Variants in ACAP2 observed in about 807,000 individuals in gnomAD.
ACAP2 encodes the protein ArfGAP with coiled-coil, ankyrin repeat and PH domains 2, also known as arf-GAP with coiled-coil, ANK repeat and PH domain-containing protein 2.
ACAP2 carries 39 observed loss-of-function variants against 115.8 expected under a neutral mutation model. That is an observed-to-expected ratio of 0.34 (90% CI 0.26 to 0.44). The LOEUF is 0.44. Ranked by LOEUF, ACAP2 falls within the 20% of genes least tolerant of loss-of-function variation. The pLI is 1.00. For missense variants in ACAP2, 662 were observed against 927.6 expected, an observed-to-expected ratio of 0.71 and a Z score of 3.72; for synonymous variants, 289 against 315.8, an observed-to-expected ratio of 0.92 and a Z score of 0.90.
At chr3:195,333,411 G>A (rs184939441) in intron 7 of ACAP2, among the ~76,000 whole-genome samples, 49 of 152,200 alleles carry the variant, frequency 3.2e-4, no homozygotes, top group South Asian at 8.3e-4. Context: ...ATGTTACCCA[G>A]GCTGATCTCA....
intron 4 of ACAP2, among the ~76,000 whole-genome samples, chr3:195,366,099 C>A (rs1438970265): frequency 6.6e-6 from 1 of 152,178 alleles, no homozygotes; most frequent in Non-Finnish European, 1.5e-5. Flanking sequence ...ACCACCTTGG[C>A]CTCCCAAAGT....
intron 20 of ACAP2, among the ~76,000 whole-genome samples, chr3:195,291,227 G>A (rs930176949): frequency 2.6e-5 from 4 of 151,988 alleles, no homozygotes; most frequent in African/African-American, 9.7e-5. Flanking sequence ...TCTTACTATC[G>A]CTCCAGAAGA....
intron 9 of ACAP2, among the ~76,000 whole-genome samples, chr3:195,324,542 T>C (rs919347513): frequency 6.6e-6 from 1 of 150,620 alleles, no homozygotes; most frequent in African/African-American, 2.4e-5. Context: ...TCACCTGAGG[T>C]CAGGAGATCA....
chr3:195,375,252 T>C (rs1402113215), intron 4 of ACAP2, among the ~76,000 whole-genome samples: 1 of 152,030 alleles, frequency 6.6e-6, no homozygotes, highest in Non-Finnish European at 1.5e-5. Flanking sequence ...ATTCAATACA[T>C]AATATCTTCC....
At chr3:195,381,791 C>T (rs1733955457) in intron 3 of ACAP2, 112 bp downstream of exon 3, 2 of 1,287,938 alleles carry the variant, frequency 1.6e-6, no homozygotes, top group East Asian at 2.4e-5. Flanking sequence ...CACTTTTCTA[C>T]TTCTAATTTT....
intron 13 of ACAP2, 108 bp from the exon 14 acceptor site, chr3:195,302,282 G>C (rs1300140115): frequency 1.0e-6 from 1 of 985,058 alleles, no homozygotes; most frequent in African/African-American, 1.7e-5. Context: ...TTAAAGGCCT[G>C]TTACAGGCAT....
chr3:195,408,938 A>G (rs533414818), intron 1 of ACAP2, among the ~76,000 whole-genome samples: 1 of 152,320 alleles, frequency 6.6e-6, no homozygotes, highest in South Asian at 2.1e-4. Context: ...GAATAAAAGG[A>G]AACTACTTCA....
intron 4 of ACAP2, chr3:195,356,333 G>GT (rs1178708632): frequency 1.4e-5 from 5 of 366,404 alleles, no homozygotes; most frequent in Admixed American, 9.8e-5. Flanking sequence ...GTTGGAACTG[G>GT]AGTTTCTGCA....
intron 4 of ACAP2, among the ~76,000 whole-genome samples, chr3:195,373,641 C>T (rs1448789790): frequency 6.6e-6 from 1 of 152,092 alleles, no homozygotes; most frequent in Non-Finnish European, 1.5e-5. Context: ...TGACAATTCA[C>T]ATATACTGCC....
At chr3:195,374,857 T>G (rs929270188) in intron 4 of ACAP2, among the ~76,000 whole-genome samples, 1 of 152,004 alleles carries the variant, frequency 6.6e-6, no homozygotes, top group African/African-American at 2.4e-5. Flanking sequence ...ACCTTTTTTT[T>G]TTTAAAGTTA....
At chr3:195,291,089 T>C (rs1159831386) in intron 20 of ACAP2, among the ~76,000 whole-genome samples, 1 of 152,164 alleles carries the variant, frequency 6.6e-6, no homozygotes, top group African/African-American at 2.4e-5. Flanking sequence ...AATAATCGGA[T>C]ACCCTGAGAT....
At chr3:195,367,984 CAA>C (rs2108718264) in intron 4 of ACAP2, among the ~76,000 whole-genome samples, 1 of 152,260 alleles carries the variant, frequency 6.6e-6, no homozygotes, top group South Asian at 2.1e-4. Flanking sequence ...GTTAAACAGT[CAA>C]AGTTACTGAC....
At chr3:195,354,761 T>G (rs1002812653) in intron 4 of ACAP2, among the ~76,000 whole-genome samples, 1 of 152,254 alleles carries the variant, frequency 6.6e-6, no homozygotes, top group Non-Finnish European at 1.5e-5. Context: ...ATATCCTGGA[T>G]ACTACTGCCT....
chr3:195,323,201 C>G (rs1290722032), intron 9 of ACAP2, among the ~76,000 whole-genome samples: 3 of 152,084 alleles, frequency 2.0e-5, no homozygotes, highest in Non-Finnish European at 4.4e-5. Flanking sequence ...TATTACCACT[C>G]TCACTCAAGA....
intron 10 of ACAP2, among the ~76,000 whole-genome samples, chr3:195,315,740 A>C (rs1387156026): frequency 3.3e-5 from 5 of 152,216 alleles, no homozygotes; most frequent in Non-Finnish European, 5.9e-5. Flanking sequence ...CTCCTTTAAA[A>C]ACAGCCTAAT....
chr3:195,388,684 T>G (rs1734456674), intron 2 of ACAP2, among the ~76,000 whole-genome samples: 1 of 152,214 alleles, frequency 6.6e-6, no homozygotes, highest in Admixed American at 6.5e-5. Flanking sequence ...CTCTTCTCTA[T>G]GCTAACTCCC....
At chr3:195,372,151 C>A (rs1733193846) in intron 4 of ACAP2, among the ~76,000 whole-genome samples, 1 of 152,098 alleles carries the variant, frequency 6.6e-6, no homozygotes. Context: ...CAATTAAGAG[C>A]TACAGCCAGA....
intron 10 of ACAP2, among the ~76,000 whole-genome samples, chr3:195,316,152 T>C (rs1471719161): frequency 6.6e-6 from 1 of 151,978 alleles, no homozygotes; most frequent in East Asian, 1.9e-4. Flanking sequence ...GAAAACATAC[T>C]GGTGAGTAAC....
At chr3:195,345,368 T>C (rs1267620669) in intron 4 of ACAP2, 51 bp from the exon 5 acceptor site, 1 of 1,154,500 alleles carries the variant, frequency 8.7e-7, no homozygotes, top group Non-Finnish European at 1.3e-6. Context: ...ACAAAATAAT[T>C]TTCTTATCGT....
Sources: gnomAD v4.1 joint callset for allele counts (sites outside exome capture counted in the v4.1 genomes callset) on GRCh38, gnomAD v4.1.1 for gene constraint, MANE v1.5 for transcripts, NCBI Gene and HGNC (gene_info 2026-07-23, HGNC 2026-07-21) for gene names.